LRBA: variants seen among roughly 807,000 people sequenced by gnomAD.
The protein encoded by LRBA is lipopolysaccharide-responsive and beige-like anchor protein.
A neutral mutation model predicts 330.0 loss-of-function variants in LRBA; 176 were observed. The ratio of observed to expected loss-of-function variants is 0.53; its 90% confidence interval spans 0.47 to 0.60. The LOEUF is 0.60. Ranked by LOEUF, LRBA falls within the 20% of genes least tolerant of loss-of-function variation. LRBA has a pLI of 0.00. For synonymous variants in LRBA, 1,230 were observed against 1,193.0 expected (o/e 1.03, Z -0.64); for missense variants, 3,259 against 3,444.8 (o/e 0.95, Z 1.35).
chr4:150,265,541 C>T lies in LRBA; in HGVS notation c.*181G>A, dbSNP rs1328739808. The T allele has an allele frequency of 9.6e-6, 5 of 521,456 alleles. No homozygotes were observed. Among genetic ancestry groups the T allele is most frequent in the South Asian group, 2.6e-5 (1 of 38,816 alleles). 32.3% of individuals were successfully genotyped at this position (521,456 alleles called of 1,614,324 possible). A position where few individuals can be genotyped will look rare whatever the true frequency, so the allele number is the denominator to read the frequency against. On this transcript the variant is annotated 3_prime_UTR_variant, in exon 57 of 57. Transcript: ENST00000651943. ...ACAGAACCCAGCAGCCAGTTTTCTG[C>T]TTTGCTAATCCCCCCCAAAAAAGTC...
intron 2 of LRBA, among the ~76,000 whole-genome samples, chr4:151,009,388 A>T (rs1314912447): frequency 6.6e-6 from 1 of 151,864 alleles, no homozygotes; most frequent in Non-Finnish European, 1.5e-5. Flanking sequence ...GTCTCTACTA[A>T]AAATACAATA....
intron 37 of LRBA, among the ~76,000 whole-genome samples, chr4:150,623,905 T>C (rs911876449): frequency 2.6e-5 from 4 of 152,138 alleles, no homozygotes; most frequent in Non-Finnish European, 5.9e-5. Context: ...GTGCACAATG[T>C]GCAGGTTAGT....
Position 150,916,490 on chromosome 4 carries a change from A to C in LRBA, c.805T>G (p.Phe269Val). The C allele has an allele frequency of 6.2e-7, 1 of 1,613,906 alleles. No homozygotes were observed. The highest frequency in any genetic ancestry group is 8.5e-7 in the Non-Finnish European group (1 of 1,179,892). The change falls in exon 7 of 57, where the codon TTT (phenylalanine) becomes GTT (valine). Residue 269 changes from phenylalanine to valine, a missense_variant. Coordinates refer to ENST00000651943, the MANE Select transcript of LRBA (RefSeq NM_001364905.1). ...GTTACAATCAAACAGCCTCCAACAA[A>C]ATGAGCAGAATAGCCAAGACCTTTG... ...TSKGLGYSAH[F>V]VGGCLIVTSI...
At chr4:150,832,866 C>A (rs1317386892) in intron 28 of LRBA, among the ~76,000 whole-genome samples, 1 of 152,100 alleles carries the variant, frequency 6.6e-6, no homozygotes, top group Non-Finnish European at 1.5e-5. Flanking sequence ...AACTCCCATG[C>A]TCAAGAGATC....
intron 13 of LRBA, among the ~76,000 whole-genome samples, chr4:150,905,595 T>C (rs1458154051): frequency 6.6e-6 from 1 of 152,040 alleles, no homozygotes; most frequent in Non-Finnish European, 1.5e-5. Context: ...AATAATGATA[T>C]TGTTTACAAA....
At position 150,583,143 on chromosome 4, in the gene LRBA, C is replaced by A. The variant is rs954603864; in HGVS notation, c.6330+4905G>T. 2 of 1,614,206 alleles carry A rather than the reference C, an allele frequency of 1.2e-6. No individual in the cohort carries two copies. The highest frequency in any genetic ancestry group is 3.3e-5 in the Admixed American group (2 of 60,030). On this transcript the variant is annotated intron_variant, in intron 40 of 56. Transcript: ENST00000651943. This position sits in a 1 kb window ranked among gnomAD's most constrained non-coding sequence, Gnocchi z 9.8. ...CCATCCGAGAGGTCTGTAAGGTGGT[C>A]TCGGACGTGCTCAAGGAAGTGGAGG...
At chr4:150,985,902 C>T (rs1741412048) in intron 2 of LRBA, among the ~76,000 whole-genome samples, 1 of 152,014 alleles carries the variant, frequency 6.6e-6, no homozygotes, top group East Asian at 1.9e-4. Context: ...CTTTACTATC[C>T]TACTACTCTA....
intron 17 of LRBA, among the ~76,000 whole-genome samples, chr4:150,876,977 G>A (rs1754104373): frequency 1.3e-5 from 2 of 152,038 alleles, no homozygotes; most frequent in South Asian, 4.1e-4. Context: ...ATTTCAGCTG[G>A]GCGCAGTGGC....
At chr4:150,560,775 T>C (rs562523873) in intron 40 of LRBA, among the ~76,000 whole-genome samples, 1 of 152,224 alleles carries the variant, frequency 6.6e-6, no homozygotes, top group African/African-American at 2.4e-5. Flanking sequence ...TCACCTGAAG[T>C]TGGGAGTTCA....
chr4:150,698,005 G>A (rs1168906572), intron 36 of LRBA, among the ~76,000 whole-genome samples: 2 of 152,046 alleles, frequency 1.3e-5, no homozygotes, highest in Non-Finnish European at 2.9e-5. Context: ...TAAGTAGAAG[G>A]AAACTATTTT....
At chr4:150,527,571 ATG>A (rs1394137186) in intron 40 of LRBA, among the ~76,000 whole-genome samples, 7 of 152,232 alleles carry the variant, frequency 4.6e-5, no homozygotes, top group African/African-American at 1.7e-4. Context: ...AAATCCTAAA[ATG>A]ACAGCTATGG....
At chr4:150,374,422 A>G (rs910831017) in intron 47 of LRBA, among the ~76,000 whole-genome samples, 1 of 152,174 alleles carries the variant, frequency 6.6e-6, no homozygotes, top group African/African-American at 2.4e-5. Flanking sequence ...ACTGGCTATG[A>G]AGTAGACCCA....
Position 150,583,974 on chromosome 4 carries a change from C to T in LRBA, c.6330+4074G>A, listed in dbSNP as rs748185948. 9.9e-6 allele frequency: 16 copies of T among 1,614,164 alleles called. No homozygotes were observed. The highest frequency in any genetic ancestry group is 1.2e-5 in the Non-Finnish European group (14 of 1,180,008). ...TCATCTCCTGCCTGCAGTGCCGCCGCTGCCCTCACTACTTTCTGCCCAACC... is the reference window on the plus strand; with the variant it reads ...TCATCTCCTGCCTGCAGTGCCGCCGTTGCCCTCACTACTTTCTGCCCAACC... On this transcript the variant is annotated intron_variant, in intron 40 of 56. Transcript: ENST00000651943. This position sits in a 1 kb window ranked among gnomAD's most constrained non-coding sequence, Gnocchi z 9.8.
At chr4:150,868,399 A>G in intron 20 of LRBA, 94 bp from the exon 21 acceptor site, 1 of 793,426 alleles carries the variant, frequency 1.3e-6, no homozygotes, top group Non-Finnish European at 1.9e-6. Context: ...TAGTTTCCCT[A>G]ACACAAATGT....
At chr4:150,684,535 A>G (rs769064215) in intron 36 of LRBA, among the ~76,000 whole-genome samples, 3 of 152,146 alleles carry the variant, frequency 2.0e-5, no homozygotes, top group Non-Finnish European at 4.4e-5. Context: ...CATCAATTTT[A>G]CCAAAAAACA....
At chr4:150,949,778 A>G (rs1736635173) in intron 2 of LRBA, among the ~76,000 whole-genome samples, 1 of 151,986 alleles carries the variant, frequency 6.6e-6, no homozygotes, top group Admixed American at 6.6e-5. Context: ...CGTAAGTTCA[A>G]ATTCTGAAGC....
rs576344384 is a variant in LRBA, at chr4:150,484,315, G to T, written c.6551+3417C>A. On this transcript the variant is annotated intron_variant, in intron 42 of 56. Transcript: ENST00000651943. ...AACTACAAGTTTTCTCTGAGGTAAG[G>T]TCTTTTACTACAATTCAATTTCCTT... Among the ~76,000 whole-genome samples the T allele has an allele frequency of 2.6e-5, 4 of 151,972 alleles. No homozygotes were observed. In the South Asian group the frequency reaches 6.2e-4, roughly 24 times the overall value.
chr4:150,637,938 T>C (rs1778085809), intron 37 of LRBA, among the ~76,000 whole-genome samples: 1 of 152,178 alleles, frequency 6.6e-6, no homozygotes, highest in Non-Finnish European at 1.5e-5. Context: ...GGGACCTTTG[T>C]ATTTCCATTT....
chr4:150,383,631 C>T (rs988733604), intron 47 of LRBA, among the ~76,000 whole-genome samples: 5 of 152,144 alleles, frequency 3.3e-5, no homozygotes, highest in African/African-American at 9.7e-5. Context: ...AAGTCTGCCA[C>T]GCAGGTATCA....
Sources: allele counts gnomAD v4.1 joint callset (sites outside exome capture counted in the v4.1 genomes callset), GRCh38; gene constraint gnomAD v4.1.1; non-coding constraint Gnocchi (gnomAD v3.1); transcripts MANE v1.5; gene names NCBI Gene and HGNC (gene_info 2026-07-23, HGNC 2026-07-21).